The following ANKRD36C variants were observed in gnomAD, a reference collection of about 807,000 sequenced individuals.
ANKRD36C encodes the protein ankyrin repeat domain-containing protein 36C.
In ANKRD36C, 61 loss-of-function variants were observed where a neutral mutation model predicts 276.4. The observed-to-expected ratio is 0.22, with a 90% confidence interval of 0.18 to 0.27. The LOEUF (loss-of-function observed/expected upper bound fraction) is 0.27, where lower values mean the gene tolerates loss of function less well. Among genes scored for constraint, ANKRD36C ranks in the 10% least tolerant of loss-of-function variants. The pLI, the probability that ANKRD36C is intolerant of heterozygous loss-of-function variation, is 1.00. For missense variants in ANKRD36C, 1,447 were observed against 2,032.3 expected (o/e 0.71, Z 5.54); for synonymous variants, 483 against 680.1 (o/e 0.71, Z 4.51).
rs781420531 is a variant in ANKRD36C at position 95,916,123 on chromosome 2, A to G, written c.2376+20T>C. 3 of 1,605,608 alleles carry G rather than the reference A, an allele frequency of 1.9e-6. No homozygotes were observed. The highest frequency in any genetic ancestry group is 1.7e-6 in the Non-Finnish European group (2 of 1,177,976). Reference sequence around the variant, plus strand: ...GGCTATACGTTTACTAGCTCACAATATAAATGAGAGTTTCATTACCTTCAA... The same window carrying G: ...GGCTATACGTTTACTAGCTCACAATGTAAATGAGAGTTTCATTACCTTCAA... On this transcript the variant is annotated intron_variant, in intron 37 of 66. Coordinates refer to ENST00000456556, the Ensembl canonical transcript of ANKRD36C.
intron 28 of ANKRD36C, 50 bp from the exon 29 acceptor site, chr2:95,925,597 T>TC (rs1677382604): frequency 1.0e-5 from 15 of 1,496,742 alleles, no homozygotes; most frequent in Non-Finnish European, 1.4e-5. Flanking sequence ...TATGATAAAG[T>TC]CGTCCACACA....
rs1282319649 is a variant in ANKRD36C at position 95,923,504 on chromosome 2, A to G, written c.2134T>C (p.Cys712Arg). ...TGTTTTGCAAAATTACCTGTCCCAC[A>G]TTGTAGTCCATCCTTTATTTCTGTA... is the stretch of plus-strand genomic sequence containing the variant. Residue 712 changes from cysteine (C) to arginine (R), a missense_variant, in exon 32 of 67, where the codon TGT (cysteine) becomes CGT (arginine). This residue lies in a region of ANKRD36C where 565 missense variants were observed against 539.5 expected (regional missense o/e 1.05). Coordinates refer to ENST00000456556, the Ensembl canonical transcript of ANKRD36C. 7 of 1,610,804 alleles carry G rather than the reference A, an allele frequency of 4.3e-6. No individual in the cohort carries two copies. In the African/African-American group the frequency reaches 5.4e-5, roughly 12 times the overall value.
In ANKRD36C at chr2:95,962,516, T is replaced by C; in HGVS notation, c.828+3A>G. On this transcript the variant is annotated splice_donor_region_variant and intron_variant, in intron 7 of 66. Coordinates refer to ENST00000456556, the Ensembl canonical transcript of ANKRD36C. ...TTCAAAACAGAAATGAATGTGTAATTACCTTCAAGGCTGGTTGTTTCTGAG... is the reference window on the plus strand; with the variant it reads ...TTCAAAACAGAAATGAATGTGTAATCACCTTCAAGGCTGGTTGTTTCTGAG... 1 of 1,601,092 alleles carries C rather than the reference T, an allele frequency of 6.2e-7. No individual in the cohort carries two copies. Among genetic ancestry groups the C allele is most frequent in the Middle Eastern group, 1.7e-4 (1 of 6,034 alleles).
At chr2:95,948,204 C>T (rs1678103859) in intron 17 of ANKRD36C, among the ~76,000 whole-genome samples, 1 of 152,100 alleles carries the variant, frequency 6.6e-6, no homozygotes, top group African/African-American at 2.4e-5. Flanking sequence ...AGTAAAAACA[C>T]TTACTCAGAT....
chr2:95,869,660 G>A (rs1479287081), intron 59 of ANKRD36C, among the ~76,000 whole-genome samples: 1 of 152,220 alleles, frequency 6.6e-6, no homozygotes, highest in Non-Finnish European at 1.5e-5. Flanking sequence ...GACAGTGGGT[G>A]CTGGACAGTG....
At chr2:95,958,395 T>A (rs887980475) in intron 12 of ANKRD36C, among the ~76,000 whole-genome samples, 196 bp downstream of exon 12, 1 of 152,100 alleles carries the variant, frequency 6.6e-6, no homozygotes, top group African/African-American at 2.4e-5. Flanking sequence ...TAGGGAAGTC[T>A]ATAATCTTAC....
chr2:95,991,646 G>A, exon 1 of ANKRD36C: 3 of 1,614,040 alleles, frequency 1.9e-6, no homozygotes, highest in South Asian at 1.1e-5. Flanking sequence ...GGGGAAATAA[G>A]AAGCCATCCG....
chr2:95,943,785 GA>G (rs1677961777), intron 19 of ANKRD36C, among the ~76,000 whole-genome samples: 1 of 151,658 alleles, frequency 6.6e-6, no homozygotes, highest in African/African-American at 2.4e-5. Context: ...TAAAATATAA[GA>G]CATCACTTTA....
chr2:95,855,072 A>G (rs78521797), intron 63 of ANKRD36C, among the ~76,000 whole-genome samples, 194 bp downstream of exon 83: 2 of 152,164 alleles, frequency 1.3e-5, no homozygotes, highest in African/African-American at 4.8e-5. Flanking sequence ...GTGACACATT[A>G]ACTTTAATCA....
At chr2:95,943,903 A>G (rs1267712957) in intron 19 of ANKRD36C, among the ~76,000 whole-genome samples, 1 of 152,182 alleles carries the variant, frequency 6.6e-6, no homozygotes, top group Non-Finnish European at 1.5e-5. Context: ...TGATCCATCT[A>G]TATAATCTAA....
intron 44 of ANKRD36C, chr2:95,894,338 G>C (rs981974168): frequency 2.0e-5 from 3 of 153,036 alleles, no homozygotes; most frequent in African/African-American, 7.3e-5. Context: ...TAAGTTTCTT[G>C]TATCCACTAG....
intron 38 of ANKRD36C, 140 bp downstream of exon 40, chr2:95,915,840 C>G (rs746292195): frequency 8.0e-6 from 10 of 1,250,970 alleles, no homozygotes; most frequent in African/African-American, 3.0e-5. Flanking sequence ...CAGCGTAACC[C>G]AAGAACTTAT....
Position 95,880,408 on chromosome 2 carries a change from T to A in ANKRD36C, c.3469+19A>T. 1 of 1,541,858 alleles carries A rather than the reference T, an allele frequency of 6.5e-7. No individual in the cohort carries two copies. The highest frequency in any genetic ancestry group is 8.8e-7 in the Non-Finnish European group (1 of 1,140,502). ...TAATGTACTTCTTTCCAGAGTTAAA[T>A]CTACAATGCAAAGTTTACCTGGTGT... On this transcript the variant is annotated intron_variant, in intron 58 of 66. Coordinates refer to ENST00000456556, the Ensembl canonical transcript of ANKRD36C.
At chr2:95,975,166 G>A (rs1287825227) in intron 6 of ANKRD36C, among the ~76,000 whole-genome samples, 2 of 152,048 alleles carry the variant, frequency 1.3e-5, no homozygotes, top group East Asian at 1.9e-4. Flanking sequence ...ATTCTCATGG[G>A]TAGGAAGAAT....
rs750648429 is a variant in ANKRD36C at position 95,916,191 on chromosome 2, C to T, written c.2348-20G>A. On this transcript the variant is annotated intron_variant, in intron 36 of 66. Coordinates refer to ENST00000456556, the Ensembl canonical transcript of ANKRD36C. The stretch of plus-strand genomic sequence containing the variant: ...AAGACACTGAAAAGCAAAAGGGACA[C>T]GTAATCACTCACTCGTAAATATGAT... 9.5e-5 allele frequency: 152 copies of T among 1,603,196 alleles called. 2 individuals carry two copies. In the South Asian group the frequency reaches 1.1e-3, roughly 11 times the overall value.
chr2:95,881,113 T>C (rs1000928656), intron 56 of ANKRD36C, among the ~76,000 whole-genome samples: 1 of 152,170 alleles, frequency 6.6e-6, no homozygotes, highest in Non-Finnish European at 1.5e-5. Context: ...GAACATACAC[T>C]TCACGTGTCT....
At chr2:95,870,961 A>G (rs1345698073) in intron 59 of ANKRD36C, among the ~76,000 whole-genome samples, 1 of 152,154 alleles carries the variant, frequency 6.6e-6, no homozygotes, top group African/African-American at 2.4e-5. Context: ...AGGGAAGTTG[A>G]GAGAAAAAAG....
At chr2:95,950,680 A>C in intron 16 of ANKRD36C, 69 bp downstream of exon 16, 1 of 1,502,950 alleles carries the variant, frequency 6.7e-7, no homozygotes, top group Non-Finnish European at 9.0e-7. Flanking sequence ...AACACTAAAC[A>C]GATACTAGTT....
rs1676518123 is a variant in ANKRD36C, at chr2:95,895,684, T to C, written c.2755+3461A>G. Reference sequence around the variant, plus strand: ...GTGTTAGCATCAACCTCTGTCCTCCTGCCTGTATTAGTGGAGGCTTTCATG... The same window carrying C: ...GTGTTAGCATCAACCTCTGTCCTCCCGCCTGTATTAGTGGAGGCTTTCATG... On this transcript the variant is annotated intron_variant, in intron 44 of 66. Transcript: ENST00000456556. 7.1e-6 allele frequency: 11 copies of C among 1,546,818 alleles called. No individual in the cohort carries two copies. In the East Asian group the frequency reaches 2.4e-4, roughly 34 times the overall value.
Sources: allele counts gnomAD v4.1 joint callset (sites outside exome capture counted in the v4.1 genomes callset), GRCh38; gene constraint gnomAD v4.1.1; regional missense constraint gnomAD v4.1.1; transcripts MANE v1.5; gene names NCBI Gene and HGNC (gene_info 2026-07-23, HGNC 2026-07-21).